PRKCA: variants seen among roughly 807,000 people sequenced by gnomAD.
PRKCA encodes the protein protein kinase C alpha.
In PRKCA, 27 loss-of-function variants were observed where a neutral mutation model predicts 87.0. That is an observed-to-expected ratio of 0.31 (90% CI 0.23 to 0.43). The LOEUF (loss-of-function observed/expected upper bound fraction) is 0.43, where lower values mean the gene tolerates loss of function less well. Ranked by LOEUF, PRKCA falls within the 20% of genes least tolerant of loss-of-function variation. PRKCA has a pLI of 1.00. For missense variants in PRKCA, 518 were observed against 852.3 expected, an observed-to-expected ratio of 0.61 and a Z score of 4.88; for synonymous variants, 329 against 311.1, an observed-to-expected ratio of 1.06 and a Z score of -0.61.
chr17:66,511,681 A>C (rs1438942960), intron 3 of PRKCA, among the ~76,000 whole-genome samples: 1 of 147,768 alleles, frequency 6.8e-6, no homozygotes, highest in African/African-American at 2.5e-5. Flanking sequence ...TCATATAGTG[A>C]ACTTTTTTTT....
intron 3 of PRKCA, among the ~76,000 whole-genome samples, chr17:66,600,888 TC>T (rs1256342611): frequency 1.3e-5 from 1 of 78,844 alleles, no homozygotes; most frequent in Non-Finnish European, 2.3e-5. Context: ...AAAATTCTTT[TC>T]TTTAAGAATG....
intron 3 of PRKCA, among the ~76,000 whole-genome samples, chr17:66,509,170 G>GTGTGTA (rs1470824055): frequency 2.5e-5 from 3 of 120,432 alleles, no homozygotes; most frequent in African/African-American, 5.8e-5. Context: ...GAACGTGTGT[G>GTGTGTA]TGTGTGTATG....
In PRKCA at chr17:66,809,389, C is replaced by G. The variant is rs555931971; in HGVS notation, c.*5352C>G. ...GACCCTACACAAAAGCCCCCAAATT[C>G]CAAAGACTTTTTCTTAACCTAAAGG... On this transcript the variant is annotated 3_prime_UTR_variant, in exon 17 of 17. Coordinates refer to ENST00000413366, the MANE Select transcript of PRKCA (RefSeq NM_002737.3). 6.5e-6 allele frequency: 1 copy of G among 152,698 alleles called. No individual in the cohort carries two copies. The highest frequency in any genetic ancestry group is 2.1e-4 in the South Asian group (1 of 4,816). The allele number at this position is 152,698 out of a possible 1,614,324, so 9.5% of individuals were successfully genotyped here.
At position 66,805,339 on chromosome 17, in the gene PRKCA, G is replaced by C. The variant is rs192162359; in HGVS notation, c.*1302G>C. 6.2e-6 allele frequency: 1 copy of C among 161,844 alleles called. No individual in the cohort carries two copies. Among genetic ancestry groups the C allele is most frequent in the East Asian group, 1.9e-4 (1 of 5,242 alleles). 10.0% of individuals were successfully genotyped at this position (161,844 alleles called of 1,614,324 possible). On this transcript the variant is annotated 3_prime_UTR_variant, in exon 17 of 17. Coordinates refer to ENST00000413366, the MANE Select transcript of PRKCA (RefSeq NM_002737.3). ...GTGAATCTATATTATTGATATAATC[G>C]TATCAAGTATAAAGAGAGTATTATA...
At chr17:66,661,800 TG>T (rs1434588580) in intron 5 of PRKCA, among the ~76,000 whole-genome samples, 4 of 152,172 alleles carry the variant, frequency 2.6e-5, no homozygotes, top group Non-Finnish European at 5.9e-5. Context: ...GGGGAGATTG[TG>T]GAACAAGTGG....
chr17:66,702,186 G>A (rs916983615), intron 8 of PRKCA, among the ~76,000 whole-genome samples: 2 of 151,210 alleles, frequency 1.3e-5, no homozygotes, highest in African/African-American at 4.9e-5. Flanking sequence ...GCTCAATTGT[G>A]TATACACATA....
At chr17:66,450,329 T>C (rs1041712569) in intron 2 of PRKCA, among the ~76,000 whole-genome samples, 9 of 152,110 alleles carry the variant, frequency 5.9e-5, no homozygotes, top group Non-Finnish European at 1.3e-4. Flanking sequence ...TTAGTCACAG[T>C]CTCCTTGTCT....
chr17:66,389,558 C>T lies in PRKCA; in HGVS notation c.205+83431C>T, dbSNP rs142908453. Among the ~76,000 whole-genome samples, 131 of 152,328 alleles carry T rather than the reference C, an allele frequency of 8.6e-4. 2 individuals carry two copies. The East Asian group carries it at 0.025, about 29-fold the overall frequency. ...GGGGCCCTCAGATGATGGCCAGCAT[C>T]GTCTTCAACAACATCTTTCATTGTC... On this transcript the variant is annotated intron_variant, in intron 2 of 16. Transcript: ENST00000413366.
intron 2 of PRKCA, among the ~76,000 whole-genome samples, chr17:66,475,840 C>T (rs1425416009): frequency 6.6e-6 from 1 of 152,130 alleles, no homozygotes; most frequent in African/African-American, 2.4e-5. Context: ...GAAGATTTTC[C>T]TCCCTAATTG....
rs569348446 is a variant in PRKCA at position 66,388,885 on chromosome 17, A to G, written c.205+82758A>G. Among the ~76,000 whole-genome samples, 4 of 152,268 alleles carry G rather than the reference A, an allele frequency of 2.6e-5. No homozygotes were observed. In the South Asian group the frequency reaches 8.3e-4, roughly 32 times the overall value. On this transcript the variant is annotated intron_variant, in intron 2 of 16. Transcript: ENST00000413366. ...CGTGTCTTGCATTTTATACTCCAGT[A>G]CGTTGCTTCGGTGGGAAGGGTGACC... is the stretch of plus-strand genomic sequence containing the variant.
Position 66,727,361 on chromosome 17 carries a change from T to C in PRKCA, c.919-5327T>C, listed in dbSNP as rs954601906. ...ATTCCTGAAGATTCCCAGAAAAAGG[T>C]GGAGATTTCTCAGAAATGTGGTGCC... On this transcript the variant is annotated intron_variant, in intron 8 of 16. Coordinates refer to ENST00000413366, the MANE Select transcript of PRKCA (RefSeq NM_002737.3). 1.7e-3 allele frequency among the ~76,000 whole-genome samples: 265 copies of C among 152,156 alleles called. 1 individual carries two copies. Among genetic ancestry groups the C allele is most frequent in the African/African-American group, 5.8e-3 (242 of 41,524 alleles).
chr17:66,628,809 C>G (rs1238707339), intron 3 of PRKCA, among the ~76,000 whole-genome samples: 5 of 152,200 alleles, frequency 3.3e-5, no homozygotes, highest in Non-Finnish European at 7.3e-5. Flanking sequence ...GGGCGGATCA[C>G]CTTAGGTCAG....
At position 66,640,774 on chromosome 17, in the gene PRKCA, AC is replaced by A. The variant is rs1971270784; in HGVS notation, c.289-579del. ...GTGCTTGTCCCCAAGGGCTTTGGTG[AC>A]CATAGCTCCAGAAGTAATAGCTTTG... On this transcript the variant is annotated intron_variant, in intron 3 of 16. Transcript: ENST00000413366. Among the ~76,000 whole-genome samples, 4 of 152,330 alleles carry A rather than the reference AC, an allele frequency of 2.6e-5. No homozygotes were observed. The South Asian group carries it at 8.3e-4, about 32-fold the overall frequency.
intron 3 of PRKCA, among the ~76,000 whole-genome samples, chr17:66,529,866 T>C (rs1967480518): frequency 6.6e-6 from 1 of 152,218 alleles, no homozygotes. Context: ...TTATACTGCC[T>C]GTTGGCCAGA....
chr17:66,354,719 C>T (rs561675696), intron 2 of PRKCA, among the ~76,000 whole-genome samples: 1 of 152,206 alleles, frequency 6.6e-6, no homozygotes, highest in South Asian at 2.1e-4. Flanking sequence ...CCTATTTCTC[C>T]AGCCGAGAAG....
At chr17:66,605,726 A>T (rs1399464775) in intron 3 of PRKCA, among the ~76,000 whole-genome samples, 1 of 152,264 alleles carries the variant, frequency 6.6e-6, no homozygotes, top group Non-Finnish European at 1.5e-5. Context: ...ATATTCGTGC[A>T]GTTGAACATG....
At chr17:66,660,204 C>T (rs1048692830) in intron 5 of PRKCA, among the ~76,000 whole-genome samples, 22 of 152,132 alleles carry the variant, frequency 1.4e-4, no homozygotes, top group Non-Finnish European at 2.9e-4. Flanking sequence ...GAACAGCAGT[C>T]AGAGTGCTGT....
At chr17:66,563,990 CCTTCCTTCCTTCCTCCTTT>C (rs1205388623) in intron 3 of PRKCA, among the ~76,000 whole-genome samples, 1,602 of 143,918 alleles carry the variant, frequency 0.011, 32 homozygotes, top group African/African-American at 0.04. Context: ...TTCCTTCCTT[CCTTCCTTCCTTCCTCCTTT>C]CTTTCTCTCT....
In PRKCA at chr17:66,736,568, G is replaced by A. The variant is rs563030556; in HGVS notation, c.1230+906G>A. On this transcript the variant is annotated intron_variant, in intron 10 of 16. Transcript: ENST00000413366. ...GCTGGGATTACAGGCATGAGCCACC[G>A]CACCTGGCCACAGTCTTGGCTTTTT... 6.8e-4 allele frequency among the ~76,000 whole-genome samples: 104 copies of A among 152,132 alleles called. 2 individuals carry two copies. The South Asian group carries it at 0.012, about 18-fold the overall frequency.
Sources: gnomAD v4.1 joint callset for allele counts (sites outside exome capture counted in the v4.1 genomes callset) on GRCh38, gnomAD v4.1.1 for gene constraint, MANE v1.5 for transcripts, NCBI Gene and HGNC (gene_info 2026-07-23, HGNC 2026-07-21) for gene names.